PDIA5: variants seen among roughly 807,000 people sequenced by gnomAD.
PDIA5 encodes the protein protein disulfide isomerase family A member 5.
In PDIA5, 58 loss-of-function variants were observed where a neutral mutation model predicts 77.6. The ratio of observed to expected loss-of-function variants is 0.75; its 90% CI spans 0.61 to 0.93. The LOEUF (loss-of-function observed/expected upper bound fraction) is 0.93. PDIA5 is among the 40% of genes least tolerant of loss of function. The pLI is 0.00. For missense variants in PDIA5, 630 were observed against 647.7 expected, an observed-to-expected ratio of 0.97 and a Z score of 0.30; for synonymous variants, 250 against 252.1, an observed-to-expected ratio of 0.99 and a Z score of 0.08.
intron 8 of PDIA5, among the ~76,000 whole-genome samples, chr3:123,119,760 C>CAGCGAGG (rs1935064461): frequency 6.6e-6 from 1 of 152,214 alleles, no homozygotes; most frequent in African/African-American, 2.4e-5. Context: ...ACCCCCTCCT[C>CAGCGAGG]GCTGCTGAAA....
At chr3:123,073,765 G>T (rs78368070) in intron 1 of PDIA5, among the ~76,000 whole-genome samples, 10,499 of 152,252 alleles carry the variant, frequency 0.069, 791 homozygotes, top group African/African-American at 0.19. Context: ...AGTTGCGGGG[G>T]CGCAAGGGTG....
intron 1 of PDIA5, among the ~76,000 whole-genome samples, chr3:123,074,832 G>T (rs908039578): frequency 3.3e-5 from 5 of 152,120 alleles, no homozygotes; most frequent in African/African-American, 1.2e-4. Flanking sequence ...ATCCAAATTC[G>T]TAGACTACAG....
chr3:123,092,361 C>T lies in PDIA5; in HGVS notation c.176C>T (p.Ala59Val). 1.2e-6 allele frequency: 2 copies of T among 1,612,620 alleles called. No individual in the cohort carries two copies. Among genetic ancestry groups the T allele is most frequent in the Non-Finnish European group, 1.7e-6 (2 of 1,178,918 alleles). ...TTTTGTTTTTTTTTTACAGAGGTGG[C>T]AGCTGAAAATCATCTCAGGTTACTG... is the stretch of plus-strand genomic sequence containing the variant. Reference protein sequence around the residue: ...VLVLYSKSEVAAENHLRLLST... With the variant: ...VLVLYSKSEVVAENHLRLLST... The change falls in exon 3 of 17, where the codon GCA (alanine) becomes GTA (valine). Residue 59 changes from alanine to valine, a missense_variant. Coordinates refer to ENST00000316218, the MANE Select transcript of PDIA5 (RefSeq NM_006810.4).
At chr3:123,160,107 C>T (rs763142496) in intron 15 of PDIA5, among the ~76,000 whole-genome samples, 8 of 152,278 alleles carry the variant, frequency 5.3e-5, no homozygotes, top group South Asian at 2.1e-4. Flanking sequence ...TTGTCAAGGT[C>T]GACGTTGTCC....
intron 3 of PDIA5, 57 bp from the exon 4 acceptor site, chr3:123,102,354 C>A: frequency 7.2e-7 from 1 of 1,380,010 alleles, no homozygotes; most frequent in South Asian, 1.2e-5. Flanking sequence ...ATTTTGCTGT[C>A]AACACCTTTG....
chr3:123,151,560 C>T (rs139103185), intron 14 of PDIA5, among the ~76,000 whole-genome samples: 156 of 152,382 alleles, frequency 1.0e-3, no homozygotes, highest in African/African-American at 3.7e-3. Context: ...GACCAGAGCC[C>T]AGTGCTTCCT....
intron 1 of PDIA5, among the ~76,000 whole-genome samples, chr3:123,087,228 G>A (rs1004208241): frequency 6.6e-6 from 1 of 152,094 alleles, no homozygotes; most frequent in African/African-American, 2.4e-5. Context: ...TGCCCAGGCT[G>A]GCCATGAACT....
At position 123,111,470 on chromosome 3, in the gene PDIA5, C is replaced by T. The variant is rs145964945; in HGVS notation, c.541+466C>T. Among the ~76,000 whole-genome samples, 845 of 152,346 alleles carry T rather than the reference C, an allele frequency of 5.5e-3. 8 individuals are homozygous for T. Among genetic ancestry groups the T allele is most frequent in the African/African-American group, 0.019 (795 of 41,584 alleles). On this transcript the variant is annotated intron_variant, in intron 7 of 16. Coordinates refer to ENST00000316218, the MANE Select transcript of PDIA5 (RefSeq NM_006810.4). ...CTCTGCAGGTGCCACCTGGGAGGAGCGGGGGACCAGGAGCAGAGAGAAACT... is the reference window on the plus strand; with the variant it reads ...CTCTGCAGGTGCCACCTGGGAGGAGTGGGGGACCAGGAGCAGAGAGAAACT...
chr3:123,139,008 C>T (rs1372257004), intron 11 of PDIA5, among the ~76,000 whole-genome samples: 5 of 152,116 alleles, frequency 3.3e-5, no homozygotes, highest in Non-Finnish European at 5.9e-5. Flanking sequence ...CAGACGAATC[C>T]GAGGGCTTTG....
At chr3:123,145,449 C>A in intron 11 of PDIA5, 73 bp from the exon 12 acceptor site, 1 of 1,119,746 alleles carries the variant, frequency 8.9e-7, no homozygotes, top group Non-Finnish European at 1.4e-6. Flanking sequence ...AGCTGCCTTA[C>A]AGAGGCGGCG....
intron 1 of PDIA5, among the ~76,000 whole-genome samples, chr3:123,080,248 T>C (rs1231103391): frequency 6.6e-6 from 1 of 152,082 alleles, no homozygotes; most frequent in Non-Finnish European, 1.5e-5. Flanking sequence ...GCATATTGAG[T>C]TCCCACAGCC....
chr3:123,073,203 T>G (rs919320646), intron 1 of PDIA5, among the ~76,000 whole-genome samples: 8 of 152,024 alleles, frequency 5.3e-5, no homozygotes, highest in Non-Finnish European at 1.0e-4. Flanking sequence ...CTTGGTGAGG[T>G]GAGTAGGCTA....
rs138392204 is a variant in PDIA5, at chr3:123,155,554, G to T, written c.1344+513G>T. Reference sequence around the variant, plus strand: ...CAGGGCCTCCAGGCGCGTCCCCCAGGCACATCCCCCAGGCAGCTGGTGCAG... The same window carrying T: ...CAGGGCCTCCAGGCGCGTCCCCCAGTCACATCCCCCAGGCAGCTGGTGCAG... On this transcript the variant is annotated intron_variant, in intron 15 of 16. Coordinates refer to ENST00000316218, the MANE Select transcript of PDIA5 (RefSeq NM_006810.4). Among the ~76,000 whole-genome samples, 633 of 152,326 alleles carry T rather than the reference G, an allele frequency of 4.2e-3. 9 individuals are homozygous for T. The highest frequency in any genetic ancestry group is 0.034 in the Middle Eastern group (10 of 294).
Position 123,082,443 on chromosome 3 carries a change from G to A in PDIA5, c.43-6725G>A, listed in dbSNP as rs139682246. 1.4e-3 allele frequency among the ~76,000 whole-genome samples: 218 copies of A among 152,244 alleles called. 1 individual carries two copies. Among genetic ancestry groups the A allele is most frequent in the African/African-American group, 4.9e-3 (205 of 41,546 alleles). ...GCGAGTACCTACCCACTGGGGTATT[G>A]TGAGGGGTAAACGAGTTAGTGGGTA... On this transcript the variant is annotated intron_variant, in intron 1 of 16. Coordinates refer to ENST00000316218, the MANE Select transcript of PDIA5 (RefSeq NM_006810.4).
At chr3:123,113,215 G>C (rs1475621307) in intron 7 of PDIA5, among the ~76,000 whole-genome samples, 1 of 152,198 alleles carries the variant, frequency 6.6e-6, no homozygotes, top group Non-Finnish European at 1.5e-5. Flanking sequence ...CTGTAAAATG[G>C]AGTGTATATC....
intron 15 of PDIA5, among the ~76,000 whole-genome samples, chr3:123,155,746 A>G (rs1421879222): frequency 6.6e-6 from 1 of 152,172 alleles, no homozygotes; most frequent in Non-Finnish European, 1.5e-5. Flanking sequence ...AGTCATGGGA[A>G]CCTCTGGCCT....
chr3:123,151,778 G>A (rs1428549825), intron 14 of PDIA5, among the ~76,000 whole-genome samples: 1 of 87,506 alleles, frequency 1.1e-5, no homozygotes, highest in East Asian at 3.5e-4. Flanking sequence ...CTGCCTGCCT[G>A]CCTGGCCTGC....
chr3:123,152,015 T>G lies in PDIA5; in HGVS notation c.1273+1651T>G, dbSNP rs1212776652. 1.6e-3 allele frequency among the ~76,000 whole-genome samples: 187 copies of G among 120,554 alleles called. 9 individuals carry two copies. Among genetic ancestry groups the G allele is most frequent in the African/African-American group, 8.8e-3 (176 of 20,098 alleles). 79.1% of individuals were successfully genotyped at this position (120,554 alleles called of 152,430 possible). ...TTCCTGCCTTCCTTCCTTCCTTCCT[T>G]CCTGCCTTCCTTCCTGCCTGCCTTC... On this transcript the variant is annotated intron_variant, in intron 14 of 16. Transcript: ENST00000316218.
rs1252249127 is a variant in PDIA5 at position 123,151,887 on chromosome 3, GCCTT to G, written c.1273+1531_1273+1534del. On this transcript the variant is annotated intron_variant, in intron 14 of 16. Transcript: ENST00000316218. The stretch of plus-strand genomic sequence containing the variant: ...TTCCTTCCTGCCCGCCTTCCTGCCT[GCCTT>G]CCTTCCTGCCTGCCTTCCTTCCTGC... 2.7e-3 allele frequency among the ~76,000 whole-genome samples: 320 copies of G among 120,644 alleles called. 1 individual carries two copies. The highest frequency in any genetic ancestry group is 5.4e-3 in the Middle Eastern group (1 of 186). 79.1% of individuals were successfully genotyped at this position (120,644 alleles called of 152,430 possible).
Sources: gnomAD v4.1 joint callset for allele counts (sites outside exome capture counted in the v4.1 genomes callset) on GRCh38, gnomAD v4.1.1 for gene constraint, MANE v1.5 for transcripts, NCBI Gene and HGNC (gene_info 2026-07-23, HGNC 2026-07-21) for gene names.